SLC43A1: variants seen among roughly 807,000 people sequenced by gnomAD.
SLC43A1 encodes the protein solute carrier family 43 member 1.
SLC43A1 carries 31 observed loss-of-function variants against 59.5 expected under a neutral mutation model. The observed-to-expected ratio is 0.52, with a 90% CI of 0.39 to 0.70. SLC43A1 has a LOEUF of 0.70. SLC43A1 is among the 30% of genes least tolerant of loss of function. SLC43A1 has a pLI of 0.00. For synonymous variants in SLC43A1, 259 were observed against 290.9 expected (o/e 0.89, Z 1.12); for missense variants, 598 against 717.8 (o/e 0.83, Z 1.91).
intron 11 of SLC43A1, among the ~76,000 whole-genome samples, chr11:57,490,309 TAAAAAA>T (rs1554980954): frequency 1.3e-5 from 1 of 78,680 alleles, no homozygotes; most frequent in African/African-American, 4.8e-5. Flanking sequence ...ACTGTCTCAA[TAAAAAA>T]AAAAAAAAAA....
chr11:57,509,648 A>AGGAG lies in SLC43A1; in HGVS notation c.154+4306_154+4309dup, dbSNP rs1554985139. 1.5e-3 allele frequency among the ~76,000 whole-genome samples: 94 copies of AGGAG among 62,644 alleles called. 1 individual carries two copies. Among genetic ancestry groups the AGGAG allele is most frequent in the African/African-American group, 3.6e-3 (63 of 17,624 alleles). The allele number at this position is 62,644 out of a possible 152,430, so 41.1% of individuals were successfully genotyped here. On this transcript the variant is annotated intron_variant, in intron 2 of 14. Transcript: ENST00000278426. The stretch of plus-strand genomic sequence containing the variant: ...AAGGAAGGAAGGAAGGAAGGAAGGA[A>AGGAG]GGAGGGAGGGAGGGAGGAAGGGAAG...
At chr11:57,505,490 C>A (rs1234776684) in intron 2 of SLC43A1, among the ~76,000 whole-genome samples, 2 of 151,728 alleles carry the variant, frequency 1.3e-5, no homozygotes, top group Admixed American at 1.3e-4. Flanking sequence ...CCAGCCTGGG[C>A]TACAGAGAGA....
chr11:57,488,578 C>T (rs1397022370), intron 13 of SLC43A1, among the ~76,000 whole-genome samples: 1 of 152,124 alleles, frequency 6.6e-6, no homozygotes, highest in Non-Finnish European at 1.5e-5. Flanking sequence ...TGGGGACTGT[C>T]CAACATGAAG....
At chr11:57,485,454 A>C (rs529815516) in intron 14 of SLC43A1, among the ~76,000 whole-genome samples, 1 of 152,240 alleles carries the variant, frequency 6.6e-6, no homozygotes, top group Admixed American at 6.5e-5. Flanking sequence ...AGGTATAACA[A>C]GTGGCAGGGC....
chr11:57,508,757 T>C (rs1426255824), intron 2 of SLC43A1, among the ~76,000 whole-genome samples: 1 of 151,864 alleles, frequency 6.6e-6, no homozygotes, highest in African/African-American at 2.4e-5. Context: ...ACCACTGAAC[T>C]CCTGCCTAGC....
chr11:57,492,858 G>A (rs1219193290), intron 8 of SLC43A1, among the ~76,000 whole-genome samples: 1 of 150,952 alleles, frequency 6.6e-6, no homozygotes, highest in Non-Finnish European at 1.5e-5. Context: ...TGGCCAACAT[G>A]GTGAAACCCC....
chr11:57,491,960 T>A, intron 8 of SLC43A1, 98 bp from the exon 9 acceptor site: 1 of 1,191,954 alleles, frequency 8.4e-7, no homozygotes, highest in East Asian at 2.5e-5. Context: ...ACACTAACTA[T>A]GTGACTTTGG....
chr11:57,504,542 G>C (rs1944347873), intron 2 of SLC43A1, among the ~76,000 whole-genome samples: 1 of 152,190 alleles, frequency 6.6e-6, no homozygotes, highest in Admixed American at 6.5e-5. Context: ...TTTAATCCAT[G>C]CAATAACCCT....
chr11:57,492,107 G>A (rs150827269), intron 8 of SLC43A1, among the ~76,000 whole-genome samples: 1,693 of 151,856 alleles, frequency 0.011, 32 homozygotes, highest in African/African-American at 0.038. Context: ...CATGGCTCAC[G>A]CCTGTAATCC....
chr11:57,503,256 A>G (rs1009158479), intron 2 of SLC43A1, among the ~76,000 whole-genome samples: 29 of 149,034 alleles, frequency 1.9e-4, no homozygotes, highest in Non-Finnish European at 3.3e-4. Context: ...GGCTAGCCCT[A>G]TAATTTAGTG....
intron 2 of SLC43A1, 24 bp from the exon 3 acceptor site, chr11:57,501,353 C>T (rs1291930589): frequency 1.2e-6 from 2 of 1,602,920 alleles, no homozygotes; most frequent in Non-Finnish European, 8.5e-7. Flanking sequence ...AGGGAGGGCT[C>T]AGCACATGAC....
At position 57,514,022 on chromosome 11, in the gene SLC43A1, G is replaced by A. The variant is rs749423988; in HGVS notation, c.90C>T (p.Leu30=). 10 of 1,607,916 alleles carry A rather than the reference G, an allele frequency of 6.2e-6. No homozygotes were observed. The African/African-American group carries it at 9.4e-5, about 15-fold the overall frequency. ...TGATCAACAGGGAGCCCCAGCCCAGGAGTACAGCAGAGAAGAAGAGGTTCT... is the reference window on the plus strand; with the variant it reads ...TGATCAACAGGGAGCCCCAGCCCAGAAGTACAGCAGAGAAGAAGAGGTTCT... The part of the protein sequence containing the change: ...VLENLFFSAV[L]LGWGSLLIIL... The change falls in exon 2 of 15, where the codon CTC becomes CTT. Residue 30 remains leucine (L), a synonymous_variant. Transcript: ENST00000278426. This position sits in a 1 kb window ranked among gnomAD's most constrained non-coding sequence, Gnocchi z 5.5.
chr11:57,496,815 T>C (rs1048514837), intron 6 of SLC43A1, among the ~76,000 whole-genome samples: 18 of 152,218 alleles, frequency 1.2e-4, no homozygotes, highest in African/African-American at 4.3e-4. Context: ...ATGCACCATC[T>C]GTCCTCTTGT....
rs201830827 is a variant in SLC43A1 at position 57,491,410 on chromosome 11, G to A, written c.1055-48C>T. The A allele has an allele frequency of 7.7e-6, 12 of 1,565,196 alleles. No homozygotes were observed. In the East Asian group the frequency reaches 1.1e-4, roughly 15 times the overall value. ...TGGGGTCAGGAACTGGCACTCAGTG[G>A]ACACTATCACCCCTTCCAGCGGAGG... is the stretch of plus-strand genomic sequence containing the variant. On this transcript the variant is annotated intron_variant, in intron 10 of 14. Transcript: ENST00000278426.
intron 2 of SLC43A1, among the ~76,000 whole-genome samples, chr11:57,511,502 C>T (rs1590785091): frequency 6.6e-6 from 1 of 151,962 alleles, no homozygotes; most frequent in East Asian, 1.9e-4. Flanking sequence ...AGTATAGTGG[C>T]ACAATCATAG....
chr11:57,491,804 G>A lies in SLC43A1; in HGVS notation c.930C>T (p.Thr310=). ...TGATCCGCAGCTGGGTCATGCCCAT[G>A]GTGAGGAGGCTCCACAGGAAAGTGG... is the stretch of plus-strand genomic sequence containing the variant. ...CSPTFLWSLL[T]MGMTQLRIIF... is the part of the protein sequence containing the mutation. Residue 310 remains threonine, a synonymous_variant, in exon 9 of 15, where the codon ACC becomes ACT. Coordinates refer to ENST00000278426, the MANE Select transcript of SLC43A1 (RefSeq NM_003627.6). 1.9e-6 allele frequency: 3 copies of A among 1,614,232 alleles called. No homozygotes were observed. Among genetic ancestry groups the A allele is most frequent in the Non-Finnish European group, 2.5e-6 (3 of 1,180,022 alleles).
chr11:57,496,380 T>C, intron 6 of SLC43A1, among the ~76,000 whole-genome samples: 1 of 152,192 alleles, frequency 6.6e-6, no homozygotes, highest in East Asian at 1.9e-4. Context: ...TAGAGAGCTA[T>C]GAAATAGTCT....
intron 13 of SLC43A1, among the ~76,000 whole-genome samples, chr11:57,487,551 A>G (rs1943777286): frequency 6.6e-6 from 1 of 152,122 alleles, no homozygotes; most frequent in Non-Finnish European, 1.5e-5. Context: ...CTGAGAACCT[A>G]CTATGTGCCA....
At chr11:57,510,169 TG>T (rs1460774093) in intron 2 of SLC43A1, among the ~76,000 whole-genome samples, 2 of 151,760 alleles carry the variant, frequency 1.3e-5, no homozygotes, top group Non-Finnish European at 2.9e-5. Context: ...AAAAAAAAGA[TG>T]GGCAGGCCGG....
Sources: allele counts gnomAD v4.1 joint callset (sites outside exome capture counted in the v4.1 genomes callset), GRCh38; gene constraint gnomAD v4.1.1; non-coding constraint Gnocchi (gnomAD v3.1); transcripts MANE v1.5; gene names NCBI Gene and HGNC (gene_info 2026-07-23, HGNC 2026-07-21).